The following CDH22 variants were observed in gnomAD, a reference collection of about 807,000 sequenced individuals.
The protein encoded by CDH22 is cadherin-22.
CDH22 carries 30 observed loss-of-function variants against 58.4 expected under a neutral mutation model. That is an observed-to-expected ratio of 0.51 (90% CI 0.38 to 0.70). CDH22 has a LOEUF of 0.70. Ranked by LOEUF, CDH22 falls within the 30% of genes least tolerant of loss-of-function variation. The pLI is 0.00. For missense variants in CDH22, 1,014 were observed against 1,233.9 expected (o/e 0.82, Z 2.67); for synonymous variants, 513 against 558.2 (o/e 0.92, Z 1.14).
At chr20:46,268,030 G>A (rs1208840784) in intron 1 of CDH22, among the ~76,000 whole-genome samples, 1 of 152,262 alleles carries the variant, frequency 6.6e-6, no homozygotes, top group Non-Finnish European at 1.5e-5. Context: ...AAGGGGCCAG[G>A]CCTTTGAATC....
At chr20:46,246,420 T>C (rs925165559) in intron 2 of CDH22, among the ~76,000 whole-genome samples, 3 of 152,244 alleles carry the variant, frequency 2.0e-5, no homozygotes, top group Admixed American at 2.0e-4. Flanking sequence ...CCCATAATTC[T>C]ATCTTTTTTT....
At chr20:46,257,221 G>A (rs1470212755) in intron 1 of CDH22, among the ~76,000 whole-genome samples, 3 of 151,978 alleles carry the variant, frequency 2.0e-5, no homozygotes, top group Non-Finnish European at 4.4e-5. Flanking sequence ...AGGTGGAAAA[G>A]GATCACCTGA....
intron 1 of CDH22, among the ~76,000 whole-genome samples, chr20:46,285,742 C>A (rs2086573758): frequency 6.6e-6 from 1 of 152,184 alleles, no homozygotes; most frequent in African/African-American, 2.4e-5. Context: ...ATTCAGGGTT[C>A]AGACACCTTT....
intron 7 of CDH22, among the ~76,000 whole-genome samples, chr20:46,206,597 C>T (rs547671795): frequency 2.6e-5 from 4 of 152,262 alleles, no homozygotes; most frequent in African/African-American, 9.6e-5. Flanking sequence ...CTTTTCCTCA[C>T]ATTTTTGCAT....
At chr20:46,221,584 G>C (rs930897868) in intron 4 of CDH22, among the ~76,000 whole-genome samples, 1 of 152,172 alleles carries the variant, frequency 6.6e-6, no homozygotes, top group Admixed American at 6.5e-5. Flanking sequence ...GTCAGAATTT[G>C]CATAACATCA....
At chr20:46,294,478 C>T (rs1054952017) in intron 1 of CDH22, among the ~76,000 whole-genome samples, 1 of 152,158 alleles carries the variant, frequency 6.6e-6, no homozygotes, top group African/African-American at 2.4e-5. Flanking sequence ...GAAGATCTGT[C>T]CTAGCTGGGG....
At chr20:46,266,751 T>C (rs916201123) in intron 1 of CDH22, among the ~76,000 whole-genome samples, 19 of 152,086 alleles carry the variant, frequency 1.2e-4, no homozygotes, top group Non-Finnish European at 2.5e-4. Context: ...TGGACTTCTA[T>C]ACAATGGAAG....
At chr20:46,195,737 C>T (rs1034855661) in intron 8 of CDH22, among the ~76,000 whole-genome samples, 1 of 151,262 alleles carries the variant, frequency 6.6e-6, no homozygotes, top group African/African-American at 2.4e-5. Flanking sequence ...GATTACAAAA[C>T]GTTAAAGATA....
At chr20:46,190,797 C>CG (rs547368238) in intron 8 of CDH22, among the ~76,000 whole-genome samples, 14 of 152,058 alleles carry the variant, frequency 9.2e-5, no homozygotes, top group East Asian at 5.8e-4. Context: ...ACCATTAATC[C>CG]GGGGGGGTGG....
intron 8 of CDH22, among the ~76,000 whole-genome samples, chr20:46,192,317 G>A (rs1331775071): frequency 6.6e-6 from 1 of 152,156 alleles, no homozygotes; most frequent in African/African-American, 2.4e-5. Context: ...AGGTGCAGGG[G>A]GAGAAACTGA....
At chr20:46,227,347 C>T (rs1174664378) in intron 4 of CDH22, among the ~76,000 whole-genome samples, 161 bp downstream of exon 4, 5 of 152,220 alleles carry the variant, frequency 3.3e-5, no homozygotes, top group Non-Finnish European at 7.3e-5. Flanking sequence ...CCCTCCCTCT[C>T]CGCGACCCTG....
At chr20:46,215,553 G>C (rs2086077762) in intron 5 of CDH22, among the ~76,000 whole-genome samples, 1 of 152,216 alleles carries the variant, frequency 6.6e-6, no homozygotes, top group East Asian at 1.9e-4. Flanking sequence ...GCTATGATCA[G>C]GAAAGGGCAT....
At chr20:46,189,843 T>C (rs2085851216) in intron 8 of CDH22, among the ~76,000 whole-genome samples, 1 of 152,150 alleles carries the variant, frequency 6.6e-6, no homozygotes, top group Admixed American at 6.5e-5. Flanking sequence ...TCAGTACCCA[T>C]TGCCACTGCC....
At chr20:46,267,395 AGCTCTTATT>A (rs2086466107) in intron 1 of CDH22, among the ~76,000 whole-genome samples, 1 of 152,320 alleles carries the variant, frequency 6.6e-6, no homozygotes, top group Admixed American at 6.5e-5. Context: ...AACCAGTGTG[AGCTCTTATT>A]GCTCTTATTT....
At chr20:46,195,168 C>T (rs1028268292) in intron 8 of CDH22, among the ~76,000 whole-genome samples, 1 of 152,212 alleles carries the variant, frequency 6.6e-6, no homozygotes, top group East Asian at 1.9e-4. Context: ...GGGAACCATG[C>T]GACTAGAAGC....
In CDH22 at chr20:46,263,266, ACC is replaced by A. The variant is rs968233839; in HGVS notation, c.-399-11575_-399-11574del. On this transcript the variant is annotated intron_variant, in intron 1 of 11. Coordinates refer to ENST00000537909, the MANE Select transcript of CDH22 (RefSeq NM_021248.3). ...GATGGGGTTGCCTGGTTACTGCTGT[ACC>A]CCATCCCTCAGACTGCTCTTCTATG... Among the ~76,000 whole-genome samples, 13 of 152,138 alleles carry A rather than the reference ACC, an allele frequency of 8.5e-5. 1 individual carries two copies. Among genetic ancestry groups the A allele is most frequent in the Admixed American group, 7.2e-4 (11 of 15,282 alleles).
rs2281224 is a variant in CDH22 at position 46,251,648 on chromosome 20, C to T, written c.-354G>A. On this transcript the variant is annotated 5_prime_UTR_variant, in exon 2 of 12. Coordinates refer to ENST00000537909, the MANE Select transcript of CDH22 (RefSeq NM_021248.3). The surrounding 1 kb of genome is among the most constrained non-coding windows in gnomAD (Gnocchi z 6.7). The stretch of plus-strand genomic sequence containing the variant: ...GCGCAGAAAGGATGCGGGTTGGGGC[C>T]GGCAGATCCTGCCAGGACTAGGGGC... The T allele has an allele frequency of 0.24, 43,742 of 184,528 alleles. 5,368 individuals are homozygous for T. The highest frequency in any genetic ancestry group is 0.36 in the South Asian group (1,856 of 5,128). 11.4% of individuals were successfully genotyped at this position (184,528 alleles called of 1,614,324 possible).
At position 46,210,528 on chromosome 20, in the gene CDH22, G is replaced by A. The variant is rs1003307744; in HGVS notation, c.1065C>T (p.Thr355=). 4.2e-6 allele frequency: 6 copies of A among 1,433,746 alleles called. No individual in the cohort carries two copies. In the African/African-American group the frequency reaches 4.5e-5, roughly 11 times the overall value. The allele number at this position is 1,433,746 out of a possible 1,614,324, so 88.8% of individuals were successfully genotyped here. A position where few individuals can be genotyped will look rare whatever the true frequency, so the allele number is the denominator to read the frequency against. ...ACTTGTTGAGGGCCTCCAGGATCAC[G>A]GTGTGCACGGGCTGGGATTCGAAGT... ...RLDFESQPVH[T]VILEALNKFV... The change falls in exon 7 of 12, where the codon ACC becomes ACT. Residue 355 remains threonine, a synonymous_variant. Coordinates refer to ENST00000537909, the MANE Select transcript of CDH22 (RefSeq NM_021248.3). The surrounding 1 kb of genome is among the most constrained non-coding windows in gnomAD (Gnocchi z 4.5).
chr20:46,245,949 C>T (rs931439049), intron 2 of CDH22, among the ~76,000 whole-genome samples: 1 of 152,168 alleles, frequency 6.6e-6, no homozygotes, highest in African/African-American at 2.4e-5. Context: ...CCTGACACCA[C>T]ATTCAGAATT....
Sources: allele counts gnomAD v4.1 joint callset (sites outside exome capture counted in the v4.1 genomes callset), GRCh38; gene constraint gnomAD v4.1.1; non-coding constraint Gnocchi (gnomAD v3.1); transcripts MANE v1.5; gene names NCBI Gene and HGNC (gene_info 2026-07-23, HGNC 2026-07-21).